TASP1: variants seen among roughly 807,000 people sequenced by gnomAD.
TASP1 encodes the protein threonine aspartase 1.
TASP1 carries 16 observed loss-of-function variants against 56.6 expected under a neutral mutation model. The ratio of observed to expected loss-of-function variants is 0.28; its 90% confidence interval spans 0.19 to 0.43. TASP1 has a LOEUF of 0.43. TASP1 is among the 20% of genes least tolerant of loss of function. TASP1 has a pLI of 1.00. For synonymous variants in TASP1, 179 were observed against 184.2 expected (o/e 0.97, Z 0.23); for missense variants, 393 against 511.6 (o/e 0.77, Z 2.24).
chr20:13,146,286 G>C, the TASP1 span, among the ~76,000 whole-genome samples: 338 of 152,232 alleles, frequency 2.2e-3, 1 homozygote, highest in African/African-American at 7.7e-3. Flanking sequence ...AGGGAGGAGG[G>C]TGGGAGGAGG....
Position 13,534,029 on chromosome 20 carries a change from A to G in TASP1, c.788T>C (p.Val263Ala), listed in dbSNP as rs370607877. Residue 263 changes from valine (V) to alanine (A), a missense_variant, in exon 9 of 14, where the codon GTT (valine) becomes GCT (alanine). By Grantham distance (64) the Val-to-Ala change is moderately conservative (BLOSUM62 0). This residue lies in a region of TASP1 where 293 missense variants were observed against 354.2 expected (regional missense o/e 0.83). Coordinates refer to ENST00000337743, the MANE Select transcript of TASP1 (RefSeq NM_017714.3). ...GGLALKHPGR[V>A]GQAALYGCGC... is the part of the protein sequence containing the mutation. ...AAACCCATAATTACTTACCTGCCCAACTCTCCCCGGATGTTTCAAGGCCAA... is the reference window on the plus strand; with the variant it reads ...AAACCCATAATTACTTACCTGCCCAGCTCTCCCCGGATGTTTCAAGGCCAA... 6.2e-7 allele frequency: 1 copy of G among 1,611,830 alleles called. No individual in the cohort carries two copies. Among genetic ancestry groups the G allele is most frequent in the African/African-American group, 1.3e-5 (1 of 74,708 alleles).
At chr20:13,190,486 A>C in the TASP1 span, among the ~76,000 whole-genome samples, 2 of 152,188 alleles carry the variant, frequency 1.3e-5, no homozygotes, top group African/African-American at 4.8e-5. Flanking sequence ...TAGGGAAGGG[A>C]CAGTCTCCTC....
At chr20:13,384,508 A>G (rs1302561084), downstream of TASP1, among the ~76,000 whole-genome samples, 1 of 152,202 alleles carries the variant, frequency 6.6e-6, no homozygotes, top group Non-Finnish European at 1.5e-5. Context: ...GGGGGAAAAA[A>G]AAAAGATTGC....
At chr20:13,617,507 T>A (rs2048563905) in intron 4 of TASP1, among the ~76,000 whole-genome samples, 1 of 152,216 alleles carries the variant, frequency 6.6e-6, no homozygotes. Flanking sequence ...AGCACTTACG[T>A]AAATGTGAGC....
the TASP1 span, among the ~76,000 whole-genome samples, chr20:13,369,500 G>C: frequency 6.6e-6 from 1 of 152,174 alleles, no homozygotes; most frequent in Admixed American, 6.6e-5. Flanking sequence ...TAAAAGCCTA[G>C]GTGGGCTTAT....
chr20:13,370,105 G>A, the TASP1 span, among the ~76,000 whole-genome samples: 9 of 152,128 alleles, frequency 5.9e-5, no homozygotes, highest in African/African-American at 2.2e-4. Flanking sequence ...ATCAACAGAT[G>A]TCAACACAAA....
At chr20:13,319,336 C>T in the TASP1 span, among the ~76,000 whole-genome samples, 1 of 152,098 alleles carries the variant, frequency 6.6e-6, no homozygotes, top group East Asian at 1.9e-4. Context: ...ATGTGCCTGG[C>T]AGCCCGGGTA....
chr20:13,340,228 A>C, the TASP1 span, among the ~76,000 whole-genome samples: 1,420 of 152,270 alleles, frequency 9.3e-3, 14 homozygotes, highest in African/African-American at 0.032. Context: ...TCTTGAGACC[A>C]TGAGACAGTT....
At chr20:13,326,114 G>A in the TASP1 span, among the ~76,000 whole-genome samples, 3 of 152,210 alleles carry the variant, frequency 2.0e-5, no homozygotes, top group Admixed American at 2.0e-4. Flanking sequence ...AGGCCTTTGA[G>A]ATTCATCCAA....
chr20:13,199,766 T>C, the TASP1 span, among the ~76,000 whole-genome samples: 1 of 152,214 alleles, frequency 6.6e-6, no homozygotes, highest in Non-Finnish European at 1.5e-5. Flanking sequence ...GAAGCCTGTG[T>C]TCAAGAAGCG....
At chr20:13,459,994 T>G (rs2043993996) in intron 11 of TASP1, among the ~76,000 whole-genome samples, 1 of 152,126 alleles carries the variant, frequency 6.6e-6, no homozygotes, top group Non-Finnish European at 1.5e-5. Context: ...AACACTTTCC[T>G]CTCCAGCTAC....
the TASP1 span, among the ~76,000 whole-genome samples, chr20:13,153,555 T>C: frequency 6.6e-6 from 1 of 152,038 alleles, no homozygotes; most frequent in South Asian, 2.1e-4. Flanking sequence ...GAGATTTAAA[T>C]GAGGGACAAT....
At chr20:13,571,747 T>A (rs535561563) in intron 6 of TASP1, among the ~76,000 whole-genome samples, 4 of 152,312 alleles carry the variant, frequency 2.6e-5, no homozygotes, top group Admixed American at 1.3e-4. Context: ...AGGGTCTTTT[T>A]AAAAATCTAC....
At chr20:13,321,098 C>T in the TASP1 span, among the ~76,000 whole-genome samples, 1 of 151,792 alleles carries the variant, frequency 6.6e-6, no homozygotes, top group East Asian at 1.9e-4. Context: ...ACTCAGGAGG[C>T]TGAGGCATGA....
chr20:13,319,739 C>G, the TASP1 span, among the ~76,000 whole-genome samples: 9 of 152,208 alleles, frequency 5.9e-5, no homozygotes, highest in Admixed American at 6.5e-5. Flanking sequence ...CCCCCTCCCC[C>G]CTGCACACAC....
the TASP1 span, among the ~76,000 whole-genome samples, chr20:13,121,694 C>A: frequency 8.1e-4 from 123 of 152,180 alleles, no homozygotes; most frequent in African/African-American, 2.9e-3. Flanking sequence ...GAATTAGTAG[C>A]CAGGAATCAA....
the TASP1 span, among the ~76,000 whole-genome samples, chr20:13,157,568 A>AT: frequency 6.6e-6 from 1 of 152,194 alleles, no homozygotes. Flanking sequence ...GCTTTAGTCC[A>AT]TAGGAAAAAA....
At chr20:13,124,485 A>G in the TASP1 span, among the ~76,000 whole-genome samples, 3 of 152,068 alleles carry the variant, frequency 2.0e-5, no homozygotes, top group Non-Finnish European at 4.4e-5. Flanking sequence ...GAAGGAAGCT[A>G]GAAGGAAAGG....
the TASP1 span, among the ~76,000 whole-genome samples, chr20:13,269,934 AGGATGGAT>A: frequency 1.5e-4 from 23 of 149,908 alleles, no homozygotes; most frequent in East Asian, 2.2e-3. Context: ...TGTGGGTGGA[AGGATGGAT>A]GGATGGATGG....
Sources: gnomAD v4.1 joint callset for allele counts (sites outside exome capture counted in the v4.1 genomes callset) on GRCh38, gnomAD v4.1.1 for gene constraint, gnomAD v4.1.1 regional missense constraint, MANE v1.5 for transcripts, NCBI Gene and HGNC (gene_info 2026-07-23, HGNC 2026-07-21) for gene names.